The following RREB1 variants were observed in gnomAD, a reference collection of about 807,000 sequenced individuals.
The protein encoded by RREB1 is ras responsive element binding protein 1.
In RREB1, 27 loss-of-function variants were observed where a neutral mutation model predicts 117.8. The ratio of observed to expected loss-of-function variants is 0.23; its 90% CI spans 0.17 to 0.32. The LOEUF is 0.32. Among genes scored for constraint, RREB1 ranks in the 10% least tolerant of loss-of-function variants. RREB1 has a pLI of 1.00. For synonymous variants in RREB1, 1,298 were observed against 1,026.7 expected (o/e 1.26, Z -5.05); for missense variants, 2,577 against 2,378.2 (o/e 1.08, Z -1.74).
chr6:7,187,445 G>A lies in RREB1; in HGVS notation c.183G>A (p.Glu61=), dbSNP rs779299643. ...RIGRRNQETK[E]EKSSYNCPLC... ...ATCTTTCTTTTTAGGAAACGAAAGA[G>A]GAGAAGTCTTCCTATAACTGCCCCC... Residue 61 remains glutamate, a synonymous_variant, in exon 5 of 13, where the codon GAG becomes GAA. Transcript: ENST00000379938. The A allele has an allele frequency of 6.2e-7, 1 of 1,600,656 alleles. No individual in the cohort carries two copies. The highest frequency in any genetic ancestry group is 1.1e-5 in the South Asian group (1 of 89,808).
At chr6:7,169,356 TCCTTATTAGAGCATAGTCCA>T (rs1204112465) in intron 1 of RREB1, among the ~76,000 whole-genome samples, 1 of 152,208 alleles carries the variant, frequency 6.6e-6, no homozygotes, top group African/African-American at 2.4e-5. Context: ...CATGGGTGCT[TCCTTATTAGAGCATAGTCCA>T]CCTTGGGCAC....
chr6:7,226,453 C>T lies in RREB1; in HGVS notation c.708-14C>T. 2 of 1,598,206 alleles carry T rather than the reference C, an allele frequency of 1.3e-6. No homozygotes were observed. The highest frequency in any genetic ancestry group is 2.3e-5 in the East Asian group (1 of 44,256). On this transcript the variant is annotated splice_polypyrimidine_tract_variant and intron_variant, in intron 8 of 12. Transcript: ENST00000379938. ...TCCCTTTCTGCCTCATATGTTCTCC[C>T]TTTCCTCTCCTAGATGTGACATTTG... is the stretch of plus-strand genomic sequence containing the variant.
At chr6:7,157,290 C>G (rs1763417757) in intron 1 of RREB1, among the ~76,000 whole-genome samples, 1 of 151,850 alleles carries the variant, frequency 6.6e-6, no homozygotes. Context: ...AAAACTTAGC[C>G]AGGTGTGGTG....
Position 7,246,706 on chromosome 6 carries a change from A to G in RREB1, c.4256A>G (p.Asp1419Gly). 1 of 1,584,922 alleles carries G rather than the reference A, an allele frequency of 6.3e-7. No homozygotes were observed. The highest frequency in any genetic ancestry group is 8.6e-7 in the Non-Finnish European group (1 of 1,166,086). Residue 1419 changes from aspartate (D) to glycine (G), a missense_variant, in exon 12 of 13, where the codon GAC (aspartate) becomes GGC (glycine). Transcript: ENST00000379938. ...DASSNQSLDL[D>G]FATKLMDFKL... ...TCGAGCAACCAGAGCCTGGACCTGGACTTCGCCACCAAGCTCATGGACTTC... is the reference window on the plus strand; with the variant it reads ...TCGAGCAACCAGAGCCTGGACCTGGGCTTCGCCACCAAGCTCATGGACTTC...
At chr6:7,196,698 T>C (rs947410657) in intron 6 of RREB1, among the ~76,000 whole-genome samples, 16 of 152,166 alleles carry the variant, frequency 1.1e-4, no homozygotes, top group Non-Finnish European at 2.1e-4. Context: ...TAAAGACCTT[T>C]TTAATTTATT....
chr6:7,156,510 A>C (rs1763370336), intron 1 of RREB1, among the ~76,000 whole-genome samples: 1 of 152,160 alleles, frequency 6.6e-6, no homozygotes, highest in African/African-American at 2.4e-5. Context: ...TCTCCCAGCC[A>C]CCTTCCGCAC....
At chr6:7,158,257 C>T (rs1330369444) in intron 1 of RREB1, among the ~76,000 whole-genome samples, 1 of 152,192 alleles carries the variant, frequency 6.6e-6, no homozygotes, top group Non-Finnish European at 1.5e-5. Context: ...GTCTACCCCA[C>T]CTGCCTCCCC....
intron 1 of RREB1, among the ~76,000 whole-genome samples, chr6:7,168,985 A>G (rs1412312604): frequency 1.3e-5 from 2 of 152,254 alleles, no homozygotes; most frequent in Non-Finnish European, 2.9e-5. Context: ...CATAGAGTTT[A>G]TGTCACAAGT....
intron 1 of RREB1, among the ~76,000 whole-genome samples, chr6:7,166,879 G>A (rs997353095): frequency 3.9e-5 from 6 of 152,150 alleles, no homozygotes; most frequent in South Asian, 4.1e-4. Context: ...CCAGCCCGGC[G>A]ACCTCAGGGC....
At chr6:7,221,590 G>A (rs1767263341) in intron 8 of RREB1, among the ~76,000 whole-genome samples, 1 of 152,242 alleles carries the variant, frequency 6.6e-6, no homozygotes, top group African/African-American at 2.4e-5. Flanking sequence ...ACTTATAGGA[G>A]TGCCTTAGTT....
intron 1 of RREB1, among the ~76,000 whole-genome samples, chr6:7,115,466 C>T (rs1761355371): frequency 6.7e-6 from 1 of 149,312 alleles, no homozygotes; most frequent in African/African-American, 2.5e-5. Context: ...CAGTGGTAGG[C>T]AGAGTCACCC....
intron 1 of RREB1, among the ~76,000 whole-genome samples, chr6:7,164,114 C>T (rs781145325): frequency 2.5e-4 from 38 of 152,170 alleles, no homozygotes; most frequent in Non-Finnish European, 5.3e-4. Flanking sequence ...CATGCCCTGT[C>T]TGACTCATCT....
At chr6:7,113,459 A>G (rs1226874381) in intron 1 of RREB1, among the ~76,000 whole-genome samples, 2 of 152,090 alleles carry the variant, frequency 1.3e-5, no homozygotes, top group African/African-American at 4.8e-5. Flanking sequence ...TCTAGGACTT[A>G]GTTAATTTCA....
rs1297557157 is a variant in RREB1, at chr6:7,229,575, C to T, written c.1476C>T (p.Ala492=). 1 of 1,612,226 alleles carries T rather than the reference C, an allele frequency of 6.2e-7. No homozygotes were observed. The highest frequency in any genetic ancestry group is 2.2e-5 in the East Asian group (1 of 44,812). The change falls in exon 10 of 13, where the codon GCC becomes GCT. Residue 492 remains alanine (A), a synonymous_variant. Coordinates refer to ENST00000379938, the MANE Select transcript of RREB1 (RefSeq NM_001003699.4). This position sits in a 1 kb window ranked among gnomAD's most constrained non-coding sequence, Gnocchi z 4.5. ...PQISLPPFSK[A]PAAPLQAIFK... is the part of the protein sequence containing the mutation. Reference sequence around the variant, plus strand: ...TCAGTCTTCCGCCCTTCTCCAAGGCCCCTGCCGCCCCACTGCAGGCGATCT... The same window carrying T: ...TCAGTCTTCCGCCCTTCTCCAAGGCTCCTGCCGCCCCACTGCAGGCGATCT...
At chr6:7,172,616 G>T (rs560042931) in intron 1 of RREB1, among the ~76,000 whole-genome samples, 1 of 152,020 alleles carries the variant, frequency 6.6e-6, no homozygotes, top group South Asian at 2.1e-4. Flanking sequence ...AGCAGCTCAC[G>T]GTGCCCCATG....
chr6:7,245,360 A>C (rs1365083124), intron 11 of RREB1, among the ~76,000 whole-genome samples: 1 of 152,104 alleles, frequency 6.6e-6, no homozygotes, highest in African/African-American at 2.4e-5. Context: ...ACACCATTGC[A>C]CTCCAGCCTG....
chr6:7,210,737 A>G, intron 6 of RREB1, 67 bp from the exon 7 acceptor site: 8 of 1,461,598 alleles, frequency 5.5e-6, no homozygotes, highest in Non-Finnish European at 7.4e-6. Flanking sequence ...TAAATATAAA[A>G]TATTAAAAAC....
At chr6:7,200,186 A>ATG (rs957666749) in intron 6 of RREB1, among the ~76,000 whole-genome samples, 10 of 148,668 alleles carry the variant, frequency 6.7e-5, no homozygotes, top group African/African-American at 2.0e-4. Flanking sequence ...TTTTATATAT[A>ATG]TGTGTGTGTG....
intron 1 of RREB1, among the ~76,000 whole-genome samples, chr6:7,117,314 A>G (rs1341862539): frequency 6.6e-6 from 1 of 151,690 alleles, no homozygotes; most frequent in Admixed American, 6.6e-5. Flanking sequence ...ATGTCTTCAG[A>G]AATAGGGGAG....
Sources: gnomAD v4.1 joint callset for allele counts (sites outside exome capture counted in the v4.1 genomes callset) on GRCh38, gnomAD v4.1.1 for gene constraint, Gnocchi (gnomAD v3.1) non-coding constraint, MANE v1.5 for transcripts, NCBI Gene and HGNC (gene_info 2026-07-23, HGNC 2026-07-21) for gene names.